Variants in DMD observed in about 807,000 individuals in gnomAD.
DMD encodes mutant dystrophin.
Under a neutral mutation model 330.1 loss-of-function variants are expected in DMD, and 63 were observed. The ratio of observed to expected loss-of-function variants is 0.19; its 90% CI spans 0.16 to 0.24. DMD has a LOEUF of 0.24. Among genes scored for constraint, DMD ranks in the 10% least tolerant of loss-of-function variants. The probability of loss-of-function intolerance (pLI) is 1.00; values close to 1 mark genes in which losing one functional copy is unlikely to be tolerated. For synonymous variants in DMD, 1,223 were observed against 959.8 expected, an observed-to-expected ratio of 1.27 and a Z score of -5.07; for missense variants, 3,344 against 2,684.1, an observed-to-expected ratio of 1.25 and a Z score of -5.43.
At chrX:32,260,013 G>A (rs940350635) in intron 43 of DMD, among the ~76,000 whole-genome samples, 9 of 111,290 alleles carry the variant, frequency 8.1e-5, no homozygotes, top group South Asian at 7.5e-4. Context: ...AAAATTTTTT[G>A]TCTGTCCAAT....
At chrX:32,479,143 C>T (rs1251715785) in intron 21 of DMD, among the ~76,000 whole-genome samples, 1 of 111,252 alleles carries the variant, frequency 9.0e-6, no homozygotes, top group Admixed American at 9.6e-5. Flanking sequence ...TCATGTTAAA[C>T]TATTTCATAT....
At chrX:32,778,883 T>G (rs1345353307) in intron 7 of DMD, among the ~76,000 whole-genome samples, 1 of 111,361 alleles carries the variant, frequency 9.0e-6, no homozygotes, top group African/African-American at 3.3e-5. Context: ...TATCATGTAC[T>G]ATACTCACAG....
At position 33,009,153 on chromosome X, in the gene DMD, CGTATATATGTATATATATGTG is replaced by C. The variant is rs2093502638; in HGVS notation, c.93+10965_93+10985del. Among the ~76,000 whole-genome samples the C allele has an allele frequency of 2.6e-4, 5 of 18,896 alleles. 1 individual carries two copies. The highest frequency in any genetic ancestry group is 2.6e-3 in the Admixed American group (5 of 1,897). The allele number at this position is 18,896 out of a possible 115,157, so 16.4% of individuals were successfully genotyped here. ...ATATGTATATATATGTGTATATATA[CGTATATATGTATATATATGTG>C]TATATATACGTATATATGTATATAT... On this transcript the variant is annotated intron_variant, in intron 2 of 78. Transcript: ENST00000357033.
chrX:32,193,702 T>C (rs1467249861), intron 44 of DMD, among the ~76,000 whole-genome samples: 1 of 111,996 alleles, frequency 8.9e-6, no homozygotes, highest in Non-Finnish European at 1.9e-5. Context: ...TATTTATTCA[T>C]TTTGACATCC....
intron 27 of DMD, among the ~76,000 whole-genome samples, chrX:32,442,436 T>C (rs186714722): frequency 1.1e-3 from 118 of 111,210 alleles, no homozygotes; most frequent in Admixed American, 4.9e-3. Context: ...ATCAAGGACA[T>C]GTAGGCCAGG....
intron 26 of DMD, among the ~76,000 whole-genome samples, chrX:32,454,082 T>A (rs1346715981): frequency 9.0e-6 from 1 of 110,500 alleles, no homozygotes; most frequent in Non-Finnish European, 1.9e-5. Context: ...ACTATGTAGG[T>A]TCAAGTCCAG....
At chrX:31,679,165 G>A (rs891806016) in intron 53 of DMD, among the ~76,000 whole-genome samples, 7 of 111,722 alleles carry the variant, frequency 6.3e-5, no homozygotes, top group African/African-American at 2.3e-4. Context: ...AAGGCTCAGT[G>A]AGCTATGATT....
At chrX:31,940,336 T>C (rs998206959) in intron 45 of DMD, among the ~76,000 whole-genome samples, 4 of 111,581 alleles carry the variant, frequency 3.6e-5, no homozygotes, top group Non-Finnish European at 5.7e-5. Flanking sequence ...ATTGTGCAGC[T>C]AGCTGTCATT....
At chrX:31,741,634 C>T (rs1286549768) in intron 51 of DMD, among the ~76,000 whole-genome samples, 1 of 110,121 alleles carries the variant, frequency 9.1e-6, no homozygotes, top group African/African-American at 3.3e-5. Context: ...AAGAGATGTG[C>T]AGTCATCTAG....
At chrX:32,315,404 T>C (rs2097579548) in intron 41 of DMD, among the ~76,000 whole-genome samples, 1 of 110,148 alleles carries the variant, frequency 9.1e-6, no homozygotes, top group African/African-American at 3.3e-5. Flanking sequence ...TTAGGAGAAA[T>C]ACCTAATGTA....
intron 50 of DMD, among the ~76,000 whole-genome samples, chrX:31,799,760 A>T (rs1000313410): frequency 2.1e-4 from 24 of 112,321 alleles, no homozygotes; most frequent in Non-Finnish European, 9.4e-5. Flanking sequence ...TGAAAATCCA[A>T]AACAAGTTAG....
chrX:31,694,053 C>A (rs2083288282), intron 52 of DMD, among the ~76,000 whole-genome samples: 1 of 111,119 alleles, frequency 9.0e-6, no homozygotes, highest in South Asian at 3.7e-4. Flanking sequence ...ATGGCAAGTA[C>A]ATAAAAACAG....
intron 4 of DMD, among the ~76,000 whole-genome samples, chrX:32,832,449 T>C (rs1247065166): frequency 9.9e-5 from 11 of 111,152 alleles, no homozygotes; most frequent in Non-Finnish European, 2.1e-4. Flanking sequence ...TTTCATTTCG[T>C]TCTCATAAAA....
At chrX:33,111,661 C>T (rs951817391) in intron 1 of DMD, among the ~76,000 whole-genome samples, 4 of 111,754 alleles carry the variant, frequency 3.6e-5, no homozygotes, top group South Asian at 3.7e-4. Flanking sequence ...GATTCGAGTG[C>T]GATGGCATAG....
chrX:31,358,782 C>T (rs1378681072), intron 60 of DMD, among the ~76,000 whole-genome samples: 1 of 112,131 alleles, frequency 8.9e-6, no homozygotes, highest in East Asian at 2.8e-4. Flanking sequence ...TGATTGTTAG[C>T]GTATATTTTC....
intron 1 of DMD, among the ~76,000 whole-genome samples, chrX:33,196,719 C>A (rs1384145122): frequency 9.0e-6 from 1 of 111,700 alleles, no homozygotes; most frequent in African/African-American, 3.3e-5. Flanking sequence ...TTAAAGCCAA[C>A]AATAAGTAAG....
intron 9 of DMD, among the ~76,000 whole-genome samples, chrX:32,663,905 G>A (rs962573359): frequency 9.0e-6 from 1 of 111,352 alleles, no homozygotes; most frequent in Admixed American, 9.6e-5. Flanking sequence ...AATGAGAGAC[G>A]GTAACAACGG....
At chrX:32,411,702 T>C in intron 30 of DMD, 50 bp downstream of exon 30, 1 of 1,182,283 alleles carries the variant, frequency 8.5e-7, no homozygotes, top group Non-Finnish European at 1.2e-6. Context: ...CAACATTTTG[T>C]TGAAGTAATA....
intron 63 of DMD, among the ~76,000 whole-genome samples, chrX:31,242,411 T>C (rs768201861): frequency 1.4e-4 from 15 of 110,324 alleles, no homozygotes; most frequent in Non-Finnish European, 1.1e-4. Context: ...TTACTTTACC[T>C]GAGTATTACA....
Sources: allele counts gnomAD v4.1 joint callset (sites outside exome capture counted in the v4.1 genomes callset), GRCh38; gene constraint gnomAD v4.1.1; transcripts MANE v1.5; gene names NCBI Gene and HGNC (gene_info 2026-07-23, HGNC 2026-07-21).